The following GATAD1 variants were observed in gnomAD, a reference collection of about 807,000 sequenced individuals.
The protein encoded by GATAD1 is GATA zinc finger domain-containing protein 1.
A neutral mutation model predicts 26.5 loss-of-function variants in GATAD1; 12 were observed. The ratio of observed to expected loss-of-function variants is 0.45; its 90% CI spans 0.29 to 0.73. The LOEUF is 0.73. GATAD1 is among the 30% of genes least tolerant of loss of function. The pLI is 0.10. For missense variants in GATAD1, 266 were observed against 342.1 expected (o/e 0.78, Z 1.75); for synonymous variants, 129 against 133.1 (o/e 0.97, Z 0.21).
chr7:92,462,118 G>T (rs1789941418), downstream of GATAD1, among the ~76,000 whole-genome samples: 1 of 152,120 alleles, frequency 6.6e-6, no homozygotes, highest in South Asian at 2.1e-4. Flanking sequence ...AAGAATCCAT[G>T]CTAAGAGGAT....
the GATAD1 span, among the ~76,000 whole-genome samples, chr7:92,465,574 C>T: frequency 2.6e-5 from 4 of 151,266 alleles, no homozygotes; most frequent in African/African-American, 9.7e-5. Context: ...GCCAAGATCA[C>T]GCCATTGCAC....
Position 92,448,749 on chromosome 7 carries a change from CAG to C in GATAD1, c.250_251del. 1 of 1,609,450 alleles carries C rather than the reference CAG, an allele frequency of 6.2e-7. No individual in the cohort carries two copies. The highest frequency in any genetic ancestry group is 8.5e-7 in the Non-Finnish European group (1 of 1,175,934). ...TTTGTTCTTTAATTTGTTTGTGTAA[CAG>C]AGTAAGCAGGAAATTCACAGGAGGT... On this transcript the variant is annotated splice_acceptor_variant, in intron 1 of 4. Coordinates refer to ENST00000287957, the MANE Select transcript of GATAD1 (RefSeq NM_021167.5). LOFTEE classifies it high-confidence loss of function.
chr7:92,453,176 A>G (rs1789512669), intron 3 of GATAD1, among the ~76,000 whole-genome samples: 1 of 152,212 alleles, frequency 6.6e-6, no homozygotes, highest in Admixed American at 6.5e-5. Context: ...TATTTCCTCA[A>G]AAGTGTTTTT....
At chr7:92,484,855 G>A in the GATAD1 span, among the ~76,000 whole-genome samples, 50 of 152,170 alleles carry the variant, frequency 3.3e-4, no homozygotes, top group Non-Finnish European at 6.8e-4. Context: ...ATGAGCGTCC[G>A]TGTGAAGAGA....
At chr7:92,460,490 A>G (rs1001287347), downstream of GATAD1, among the ~76,000 whole-genome samples, 7 of 152,228 alleles carry the variant, frequency 4.6e-5, no homozygotes, top group Non-Finnish European at 1.0e-4. Context: ...GCATAAATGC[A>G]CAGTAATTTA....
At position 92,447,739 on chromosome 7, in the gene GATAD1, G is replaced by T; in HGVS notation, c.10G>T (p.Gly4Cys). Residue 4 changes from glycine (G) to cysteine (C), a missense_variant, in exon 1 of 5, where the codon GGC becomes TGC. Physicochemically the swap from Gly to Cys is radical, Grantham distance 159. Transcript: ENST00000287957. Reference protein sequence around the residue: MPLGLKPTCSVCKT... With the variant: MPLCLKPTCSVCKT... ...GCCCGAGCCGGCCACCATGCCGCTG[G>T]GCCTGAAGCCCACCTGCAGCGTATG... The T allele has an allele frequency of 6.7e-7, 1 of 1,488,426 alleles. No homozygotes were observed. The highest frequency in any genetic ancestry group is 1.3e-5 in the South Asian group (1 of 78,900). 92.2% of individuals were successfully genotyped at this position (1,488,426 alleles called of 1,614,324 possible). A position where few individuals can be genotyped will look rare whatever the true frequency, so the allele number is the denominator to read the frequency against.
chr7:92,462,101 C>A (rs2115912024), downstream of GATAD1, among the ~76,000 whole-genome samples: 1 of 152,220 alleles, frequency 6.6e-6, no homozygotes, highest in Admixed American at 6.5e-5. Flanking sequence ...CCAGTAATTT[C>A]ATTTCTAAGA....
the GATAD1 span, chr7:92,469,380 A>G: frequency 9.1e-6 from 7 of 769,578 alleles, no homozygotes; most frequent in Non-Finnish European, 1.4e-5. Context: ...CAATGCCAGT[A>G]CCTAGTGCAC....
the GATAD1 span, among the ~76,000 whole-genome samples, chr7:92,495,593 G>A: frequency 6.6e-6 from 1 of 152,128 alleles, no homozygotes; most frequent in African/African-American, 2.4e-5. Context: ...GTATTGGCAT[G>A]AATATTTTCA....
chr7:92,456,203 TAAAG>T (rs1274704388), intron 4 of GATAD1, among the ~76,000 whole-genome samples, 165 bp from the exon 5 acceptor site: 1 of 152,258 alleles, frequency 6.6e-6, no homozygotes, highest in African/African-American at 2.4e-5. Context: ...TTTAAGCCGT[TAAAG>T]AAGAAAAAAT....
the GATAD1 span, chr7:92,475,201 A>G: frequency 1.3e-5 from 2 of 152,196 alleles, no homozygotes; most frequent in Non-Finnish European, 2.9e-5. Context: ...GCGGCACTGC[A>G]GAAGAATATA....
chr7:92,484,764 T>C, the GATAD1 span, among the ~76,000 whole-genome samples: 2 of 152,174 alleles, frequency 1.3e-5, no homozygotes, highest in Non-Finnish European at 2.9e-5. Flanking sequence ...TGTAGGTGGA[T>C]GTCCTCACAG....
At chr7:92,448,948 C>T in intron 2 of GATAD1, 71 bp downstream of exon 2, 3 of 1,459,614 alleles carry the variant, frequency 2.1e-6, no homozygotes, top group African/African-American at 1.4e-5. Flanking sequence ...CTTCATTTCT[C>T]ACCATTGAAC....
Position 92,456,622 on chromosome 7 carries a change from C to G in GATAD1, c.*60C>G. 1 of 1,024,808 alleles carries G rather than the reference C, an allele frequency of 9.8e-7. No homozygotes were observed. Among genetic ancestry groups the G allele is most frequent in the Non-Finnish European group, 1.5e-6 (1 of 678,712 alleles). 63.5% of individuals were successfully genotyped at this position (1,024,808 alleles called of 1,614,324 possible). A position where few individuals can be genotyped will look rare whatever the true frequency, so the allele number is the denominator to read the frequency against. On this transcript the variant is annotated 3_prime_UTR_variant, in exon 5 of 5. Transcript: ENST00000287957. ...TGGTGGCTCACGCCTGTAGCCCCAG[C>G]TATTGCACCACTGCTCTCCAAGCTG... is the stretch of plus-strand genomic sequence containing the variant.
At chr7:92,492,317 A>G in the GATAD1 span, among the ~76,000 whole-genome samples, 2 of 152,012 alleles carry the variant, frequency 1.3e-5, 1 homozygote, top group South Asian at 4.1e-4. Context: ...CTAATTTTTA[A>G]ATTTTTCACA....
the GATAD1 span, among the ~76,000 whole-genome samples, chr7:92,466,220 G>A: frequency 1.3e-5 from 2 of 152,048 alleles, no homozygotes. Flanking sequence ...GGGCTGGAGT[G>A]CACTGTTGTG....
the GATAD1 span, among the ~76,000 whole-genome samples, chr7:92,474,214 G>T: frequency 6.6e-6 from 1 of 152,180 alleles, no homozygotes; most frequent in South Asian, 2.1e-4. Flanking sequence ...AACCGAGGTT[G>T]CCAAGTTCAA....
intron 4 of GATAD1, 77 bp from the exon 5 acceptor site, chr7:92,456,295 C>T (rs766045739): frequency 1.1e-4 from 106 of 954,044 alleles, no homozygotes; most frequent in Non-Finnish European, 1.6e-4. Context: ...CTCCCAGTGT[C>T]TAGAAATTTT....
chr7:92,476,002 C>T, the GATAD1 span, among the ~76,000 whole-genome samples: 2 of 152,286 alleles, frequency 1.3e-5, no homozygotes, highest in East Asian at 3.9e-4. Flanking sequence ...CAAGAGTCCC[C>T]GTATCAATTA....
Sources: allele counts gnomAD v4.1 joint callset (sites outside exome capture counted in the v4.1 genomes callset), GRCh38; gene constraint gnomAD v4.1.1; transcripts MANE v1.5; gene names NCBI Gene and HGNC (gene_info 2026-07-23, HGNC 2026-07-21).